The following TNIK variants were observed in gnomAD, a reference collection of about 807,000 sequenced individuals.
TNIK encodes TRAF2 and NCK interacting kinase, also known as TRAF2 and NCK-interacting protein kinase.
Under a neutral mutation model 191.3 loss-of-function variants are expected in TNIK, and 49 were observed. That is an observed-to-expected ratio of 0.26 (90% CI 0.20 to 0.32). The LOEUF (loss-of-function observed/expected upper bound fraction) is 0.32. Ranked by LOEUF, TNIK falls within the 10% of genes least tolerant of loss-of-function variation. TNIK has a pLI of 1.00. For missense variants in TNIK, 1,155 were observed against 1,702.3 expected, an observed-to-expected ratio of 0.68 and a Z score of 5.66; for synonymous variants, 594 against 600.9, an observed-to-expected ratio of 0.99 and a Z score of 0.17.
At chr3:171,177,686 A>G (rs1371035393) in intron 7 of TNIK, among the ~76,000 whole-genome samples, 1 of 152,252 alleles carries the variant, frequency 6.6e-6, no homozygotes, top group Non-Finnish European at 1.5e-5. Context: ...TTGACTGTTT[A>G]TAACACCATC....
chr3:171,079,991 T>G (rs1720460870), intron 27 of TNIK, among the ~76,000 whole-genome samples: 1 of 152,174 alleles, frequency 6.6e-6, no homozygotes. Flanking sequence ...GTGATCAGAG[T>G]TCCAGAACAT....
intron 2 of TNIK, among the ~76,000 whole-genome samples, chr3:171,324,555 G>A (rs970682995): frequency 3.7e-4 from 57 of 152,228 alleles, no homozygotes; most frequent in African/African-American, 1.3e-3. Flanking sequence ...AGGGTCAGGT[G>A]TTCTTGTTCA....
chr3:171,282,110 C>A (rs1750497943), intron 2 of TNIK, among the ~76,000 whole-genome samples: 1 of 152,122 alleles, frequency 6.6e-6, no homozygotes, highest in South Asian at 2.1e-4. Flanking sequence ...TCATCCAGTC[C>A]ACAATCAGTG....
At chr3:171,095,726 G>T (rs974533950) in intron 22 of TNIK, among the ~76,000 whole-genome samples, 6 of 152,070 alleles carry the variant, frequency 3.9e-5, no homozygotes, top group Non-Finnish European at 8.8e-5. Flanking sequence ...ATGACAGGGG[G>T]AGTCCAGACG....
chr3:171,330,519 C>A (rs1184733932), intron 2 of TNIK, among the ~76,000 whole-genome samples: 2 of 152,182 alleles, frequency 1.3e-5, no homozygotes, highest in Non-Finnish European at 2.9e-5. Flanking sequence ...TAGTTAAGAA[C>A]ATTTACTTAG....
intron 1 of TNIK, among the ~76,000 whole-genome samples, chr3:171,400,955 T>C (rs1473090171): frequency 6.6e-6 from 1 of 152,190 alleles, no homozygotes; most frequent in African/African-American, 2.4e-5. Flanking sequence ...ATAATCTTTC[T>C]TTAAGGGGTT....
At chr3:171,358,500 C>T (rs899842891) in intron 2 of TNIK, among the ~76,000 whole-genome samples, 3 of 152,206 alleles carry the variant, frequency 2.0e-5, no homozygotes, top group African/African-American at 7.2e-5. Flanking sequence ...TCATCTACAC[C>T]TGGCCCCACC....
At chr3:171,289,901 C>CAAAAAA (rs143704401) in intron 2 of TNIK, among the ~76,000 whole-genome samples, 1 of 77,856 alleles carries the variant, frequency 1.3e-5, no homozygotes. Flanking sequence ...GACTCCGTCT[C>CAAAAAA]AAAAAAAAAA....
intron 2 of TNIK, among the ~76,000 whole-genome samples, chr3:171,282,569 C>T (rs890225737): frequency 6.6e-6 from 1 of 152,064 alleles, no homozygotes; most frequent in Non-Finnish European, 1.5e-5. Flanking sequence ...GTCCCGAACT[C>T]CTGGCCTTAG....
chr3:171,222,238 G>A (rs1272072613), intron 3 of TNIK, among the ~76,000 whole-genome samples: 1 of 152,064 alleles, frequency 6.6e-6, no homozygotes, highest in Non-Finnish European at 1.5e-5. Flanking sequence ...GGAGAGTGTG[G>A]GTATGCCCTG....
chr3:171,240,671 C>T (rs1164452471), intron 2 of TNIK, among the ~76,000 whole-genome samples: 1 of 152,166 alleles, frequency 6.6e-6, no homozygotes, highest in Non-Finnish European at 1.5e-5. Flanking sequence ...TGCTCGCTGC[C>T]TTCAGGTCTT....
intron 28 of TNIK, among the ~76,000 whole-genome samples, chr3:171,076,535 G>T (rs758206860): frequency 6.6e-5 from 10 of 152,130 alleles, no homozygotes; most frequent in Non-Finnish European, 1.3e-4. Flanking sequence ...GGTGTCTAAA[G>T]TTCCTCCGCC....
intron 4 of TNIK, among the ~76,000 whole-genome samples, chr3:171,200,552 G>A (rs924578815): frequency 6.6e-6 from 1 of 151,942 alleles, no homozygotes; most frequent in Non-Finnish European, 1.5e-5. Flanking sequence ...TACTTAGTAT[G>A]CCTTCCTGTG....
chr3:171,134,573 C>A (rs904115897), intron 15 of TNIK, among the ~76,000 whole-genome samples: 1 of 152,210 alleles, frequency 6.6e-6, no homozygotes, highest in African/African-American at 2.4e-5. Flanking sequence ...ACGTGAGCCA[C>A]CGTGCCTGGC....
intron 23 of TNIK, among the ~76,000 whole-genome samples, chr3:171,090,423 CTTTCTTTTTT>C (rs1721911280): frequency 6.9e-6 from 1 of 145,550 alleles, no homozygotes. Flanking sequence ...TCTTTTCTTT[CTTTCTTTTTT>C]TTTTTTTTGC....
chr3:171,450,489 C>T (rs1728039399), intron 1 of TNIK, among the ~76,000 whole-genome samples: 4 of 152,266 alleles, frequency 2.6e-5, no homozygotes, highest in Admixed American at 6.5e-5. Context: ...GCACTGCATT[C>T]GAATTTCATC....
intron 12 of TNIK, among the ~76,000 whole-genome samples, chr3:171,156,248 C>G (rs1035682111): frequency 1.2e-4 from 19 of 152,152 alleles, no homozygotes; most frequent in African/African-American, 4.6e-4. Context: ...TGGTCTGATA[C>G]TGATATTTGA....
At position 171,167,109 on chromosome 3, in the gene TNIK, T is replaced by G. The variant is rs779561216; in HGVS notation, c.935A>C (p.Lys312Thr). Residue 312 changes from lysine to threonine, a missense_variant, in exon 10 of 33, where the codon AAG becomes ACG. Physicochemically the swap from Lys to Thr is moderately conservative, Grantham distance 78 (BLOSUM62 -1). Around this residue, in one of 3 missense-constraint regions of TNIK, gnomAD observed 225 missense variants for 438.9 expected, o/e 0.51. Transcript: ENST00000436636. ...GTGCGTCTAACCTTTTTCTCCTCGCTTCTTCTTTGTTCTATCAATATGGTC... is the reference window on the plus strand; with the variant it reads ...GTGCGTCTAACCTTTTTCTCCTCGCGTCTTCTTTGTTCTATCAATATGGTC... ...LKDHIDRTKK[K>T]RGEKDETEYE... 3 of 1,610,764 alleles carry G rather than the reference T, an allele frequency of 1.9e-6. No individual in the cohort carries two copies. The highest frequency in any genetic ancestry group is 1.7e-4 in the Middle Eastern group (1 of 6,050).
At chr3:171,114,877 T>C (rs763146707) in intron 18 of TNIK, among the ~76,000 whole-genome samples, 4 of 152,236 alleles carry the variant, frequency 2.6e-5, no homozygotes, top group Non-Finnish European at 5.9e-5. Flanking sequence ...ATGTCTAAAA[T>C]GATAAATGTG....
Sources: gnomAD v4.1 joint callset for allele counts (sites outside exome capture counted in the v4.1 genomes callset) on GRCh38, gnomAD v4.1.1 for gene constraint, gnomAD v4.1.1 regional missense constraint, MANE v1.5 for transcripts, NCBI Gene and HGNC (gene_info 2026-07-23, HGNC 2026-07-21) for gene names.